CADPS2: variants seen among roughly 807,000 people sequenced by gnomAD.
CADPS2 encodes the protein calcium-dependent secretion activator 2.
Under a neutral mutation model 172.5 loss-of-function variants are expected in CADPS2, and 93 were observed. The observed-to-expected ratio is 0.54, with a 90% confidence interval of 0.46 to 0.64. The LOEUF (loss-of-function observed/expected upper bound fraction) is 0.64. Among genes scored for constraint, CADPS2 ranks in the 30% least tolerant of loss-of-function variants. The pLI, the probability that CADPS2 is intolerant of heterozygous loss-of-function variation, is 0.00. For synonymous variants in CADPS2, 546 were observed against 555.2 expected, an observed-to-expected ratio of 0.98 and a Z score of 0.23; for missense variants, 1,420 against 1,565.9, an observed-to-expected ratio of 0.91 and a Z score of 1.57.
chr7:122,851,212 T>G (rs182524790), intron 1 of CADPS2, among the ~76,000 whole-genome samples: 7 of 152,274 alleles, frequency 4.6e-5, no homozygotes, highest in Admixed American at 4.6e-4. Flanking sequence ...GCAGGTGTGA[T>G]GTCTACAGAA....
At chr7:122,836,572 G>A (rs936024783) in intron 1 of CADPS2, among the ~76,000 whole-genome samples, 4 of 152,132 alleles carry the variant, frequency 2.6e-5, no homozygotes, top group African/African-American at 9.7e-5. Context: ...TCAAAATAAA[G>A]GGATGGAGGA....
chr7:122,325,725 T>C (rs926225278), intron 28 of CADPS2, 144 bp from the exon 29 acceptor site: 11 of 589,498 alleles, frequency 1.9e-5, no homozygotes, highest in Non-Finnish European at 2.8e-5. Flanking sequence ...AATAATGCTA[T>C]AATTTCCTGT....
chr7:122,832,962 T>A (rs540883330), intron 1 of CADPS2, among the ~76,000 whole-genome samples: 19 of 152,352 alleles, frequency 1.2e-4, no homozygotes, highest in African/African-American at 4.6e-4. Context: ...GTGAATACAT[T>A]TCTCGTCTTT....
intron 17 of CADPS2, among the ~76,000 whole-genome samples, chr7:122,416,872 T>C (rs2047984474): frequency 6.6e-6 from 1 of 152,204 alleles, no homozygotes; most frequent in African/African-American, 2.4e-5. Context: ...GGCAAAGTAG[T>C]TATTTTCTAA....
At position 122,471,579 on chromosome 7, in the gene CADPS2, G is replaced by A; in HGVS notation, c.1999-17C>T. 6.5e-7 allele frequency: 1 copy of A among 1,540,358 alleles called. No homozygotes were observed. The highest frequency in any genetic ancestry group is 2.1e-5 in the Admixed American group (1 of 47,530). On this transcript the variant is annotated splice_polypyrimidine_tract_variant and intron_variant, in intron 13 of 29. Coordinates refer to ENST00000449022, the MANE Select transcript of CADPS2 (RefSeq NM_017954.11). ...AAACCATCCCTGCAAAATAAAAAAA[G>A]AATAGATATACATGTTTTTTCTTTC...
chr7:122,864,877 GA>G (rs761871010), intron 1 of CADPS2, among the ~76,000 whole-genome samples: 28 of 152,172 alleles, frequency 1.8e-4, no homozygotes, highest in Non-Finnish European at 3.5e-4. Flanking sequence ...CAGCCAGTAA[GA>G]AGGGGGAAGA....
chr7:122,738,705 CCATT>C (rs1271324562), intron 1 of CADPS2, among the ~76,000 whole-genome samples: 1 of 151,818 alleles, frequency 6.6e-6, no homozygotes, highest in Non-Finnish European at 1.5e-5. Flanking sequence ...TATTAAACTG[CCATT>C]CAAATAAAAG....
intron 9 of CADPS2, among the ~76,000 whole-genome samples, chr7:122,506,808 G>T (rs1048024621): frequency 6.6e-6 from 1 of 151,638 alleles, no homozygotes. Context: ...GATCCAGATA[G>T]ATTGGACAGG....
At chr7:122,750,997 A>G (rs547300300) in intron 1 of CADPS2, among the ~76,000 whole-genome samples, 1 of 152,210 alleles carries the variant, frequency 6.6e-6, no homozygotes, top group Non-Finnish European at 1.5e-5. Context: ...CCAACATAAA[A>G]ACGAAAAGAT....
chr7:122,554,706 AC>A lies in CADPS2; in HGVS notation c.1336-18del. 6 of 1,577,946 alleles carry A rather than the reference AC, an allele frequency of 3.8e-6. No individual in the cohort carries two copies. Among genetic ancestry groups the A allele is most frequent in the Non-Finnish European group, 4.3e-6 (5 of 1,163,908 alleles). ...TAATATCACCTGTATGGAAAAAAAAACCCACATTTAAACGCATGATACGGAG... is the reference window on the plus strand; with the variant it reads ...TAATATCACCTGTATGGAAAAAAAAACCACATTTAAACGCATGATACGGAG... On this transcript the variant is annotated intron_variant, in intron 7 of 29. Transcript: ENST00000449022.
At chr7:122,476,341 A>C (rs1440254479) in intron 12 of CADPS2, among the ~76,000 whole-genome samples, 1 of 152,056 alleles carries the variant, frequency 6.6e-6, no homozygotes, top group Non-Finnish European at 1.5e-5. Context: ...CACAGGAAAA[A>C]GACCTATCTT....
intron 1 of CADPS2, among the ~76,000 whole-genome samples, chr7:122,871,968 C>G (rs1381533616): frequency 6.6e-6 from 1 of 152,030 alleles, no homozygotes; most frequent in Non-Finnish European, 1.5e-5. Flanking sequence ...TTATCCAAAC[C>G]CATGGTTCCA....
At chr7:122,746,840 G>T (rs1359831574) in intron 1 of CADPS2, among the ~76,000 whole-genome samples, 3 of 152,090 alleles carry the variant, frequency 2.0e-5, no homozygotes, top group Non-Finnish European at 4.4e-5. Context: ...ATCAAGGTAA[G>T]TGCTGAGGAG....
intron 1 of CADPS2, among the ~76,000 whole-genome samples, chr7:122,770,543 T>C (rs1331134114): frequency 2.0e-5 from 3 of 152,090 alleles, no homozygotes; most frequent in African/African-American, 7.2e-5. Context: ...TCAGTACTTA[T>C]GGGAGAATAA....
intron 1 of CADPS2, among the ~76,000 whole-genome samples, chr7:122,852,763 C>G (rs1014640299): frequency 6.6e-6 from 1 of 152,056 alleles, no homozygotes; most frequent in African/African-American, 2.4e-5. Flanking sequence ...TAAACACTTA[C>G]GCTTTTACTG....
intron 2 of CADPS2, among the ~76,000 whole-genome samples, chr7:122,735,750 A>T (rs1025824745): frequency 6.6e-6 from 1 of 152,158 alleles, no homozygotes; most frequent in Non-Finnish European, 1.5e-5. Flanking sequence ...TAAAAACTTT[A>T]TATCTTTTTA....
At chr7:122,488,271 G>A (rs74702578) in intron 11 of CADPS2, among the ~76,000 whole-genome samples, 4,606 of 152,228 alleles carry the variant, frequency 0.03, 198 homozygotes, top group African/African-American at 0.1. Context: ...AGTTCTACCC[G>A]GGGTTGAGGG....
intron 1 of CADPS2, among the ~76,000 whole-genome samples, chr7:122,863,443 G>A (rs925590712): frequency 2.2e-4 from 33 of 151,974 alleles, no homozygotes; most frequent in Admixed American, 1.6e-3. Context: ...ACTAAATACC[G>A]TAGCAATGCC....
intron 1 of CADPS2, among the ~76,000 whole-genome samples, chr7:122,837,968 C>CAGA (rs1563143163): frequency 6.6e-6 from 1 of 151,886 alleles, no homozygotes; most frequent in Non-Finnish European, 1.5e-5. Flanking sequence ...CTGGCAGAGA[C>CAGA]ACAACAAAAA....
Sources: gnomAD v4.1 joint callset for allele counts (sites outside exome capture counted in the v4.1 genomes callset) on GRCh38, gnomAD v4.1.1 for gene constraint, MANE v1.5 for transcripts, NCBI Gene and HGNC (gene_info 2026-07-23, HGNC 2026-07-21) for gene names.